Variants in RPTOR observed in about 807,000 individuals in gnomAD.
RPTOR encodes regulatory-associated protein of mTOR.
Under a neutral mutation model 169.9 loss-of-function variants are expected in RPTOR, and 21 were observed. That is an observed-to-expected ratio of 0.12 (90% CI 0.09 to 0.18). The LOEUF (loss-of-function observed/expected upper bound fraction) is 0.18. RPTOR is among the 10% of genes least tolerant of loss of function. The probability of loss-of-function intolerance (pLI) is 1.00; values close to 1 mark genes in which losing one functional copy is unlikely to be tolerated. For missense variants in RPTOR, 1,133 were observed against 1,855.9 expected (o/e 0.61, Z 7.16); for synonymous variants, 732 against 753.2 (o/e 0.97, Z 0.46).
At chr17:80,792,795 A>G (rs546459183) in intron 7 of RPTOR, among the ~76,000 whole-genome samples, 4 of 152,116 alleles carry the variant, frequency 2.6e-5, no homozygotes, top group Admixed American at 2.6e-4. Context: ...GTTTACTGGT[A>G]TTGCTGTGCG....
chr17:80,759,679 G>GT lies in RPTOR; in HGVS notation c.830+5505dup, dbSNP rs563849260. On this transcript the variant is annotated intron_variant, in intron 6 of 33. Coordinates refer to ENST00000306801, the MANE Select transcript of RPTOR (RefSeq NM_020761.3). ...GTGAGCTAAGTTAAAAACCACCAGG[G>GT]TTTTTTTTTTTAATGGAAGAGTGAG... Among the ~76,000 whole-genome samples, 1,051 of 145,526 alleles carry GT rather than the reference G, an allele frequency of 7.2e-3. 7 individuals are homozygous for GT. The highest frequency in any genetic ancestry group is 0.052 in the Middle Eastern group (15 of 286).
intron 7 of RPTOR, among the ~76,000 whole-genome samples, chr17:80,811,140 G>C (rs542894633): frequency 6.6e-6 from 1 of 152,358 alleles, no homozygotes; most frequent in African/African-American, 2.4e-5. Flanking sequence ...ACAGCTGGGT[G>C]TTGAAGCCCT....
intron 4 of RPTOR, among the ~76,000 whole-genome samples, chr17:80,716,232 G>T (rs2066238307): frequency 6.6e-6 from 1 of 152,146 alleles, no homozygotes; most frequent in Non-Finnish European, 1.5e-5. Flanking sequence ...AGCATCTACT[G>T]TTTTTTGATT....
At chr17:80,933,027 C>G (rs2068916435) in intron 24 of RPTOR, among the ~76,000 whole-genome samples, 1 of 152,208 alleles carries the variant, frequency 6.6e-6, no homozygotes, top group Admixed American at 6.5e-5. Flanking sequence ...AACTGTCAAC[C>G]TAGAATTCTG....
intron 23 of RPTOR, among the ~76,000 whole-genome samples, chr17:80,924,800 C>G (rs908236): frequency 0.64 from 98,085 of 152,124 alleles, 31,763 homozygotes; most frequent in South Asian, 0.67. Flanking sequence ...CAGCCTCACT[C>G]CACAAGCACA....
chr17:80,759,109 G>A (rs2066709785), intron 6 of RPTOR, among the ~76,000 whole-genome samples: 3 of 151,952 alleles, frequency 2.0e-5, no homozygotes, highest in Non-Finnish European at 2.9e-5. Context: ...AGTCCCAGCT[G>A]CTTGGAAGGC....
Position 80,883,104 on chromosome 17 carries a change from G to T in RPTOR, c.1585-315G>T, listed in dbSNP as rs376201306. On this transcript the variant is annotated intron_variant, in intron 14 of 33. Coordinates refer to ENST00000306801, the MANE Select transcript of RPTOR (RefSeq NM_020761.3). ...TGGGCAGGCTGGGGAGGTGAGGTCC[G>T]GGTGCTTCATACCGACAGCCACGGC... is the stretch of plus-strand genomic sequence containing the variant. Among the ~76,000 whole-genome samples, 14 of 152,304 alleles carry T rather than the reference G, an allele frequency of 9.2e-5. No individual in the cohort carries two copies. The East Asian group carries it at 2.7e-3, about 29-fold the overall frequency.
intron 3 of RPTOR, among the ~76,000 whole-genome samples, chr17:80,660,306 A>G (rs2065712783): frequency 6.6e-6 from 1 of 151,914 alleles, no homozygotes; most frequent in Non-Finnish European, 1.5e-5. Context: ...AATGAGAAAC[A>G]TGTCTGAGTA....
At chr17:80,710,769 T>A (rs1036588522) in intron 4 of RPTOR, among the ~76,000 whole-genome samples, 1 of 152,238 alleles carries the variant, frequency 6.6e-6, no homozygotes, top group Non-Finnish European at 1.5e-5. Context: ...AGCCATTTTG[T>A]TTCATATATT....
rs369763226 is a variant in RPTOR, at chr17:80,883,771, G to A, written c.1651-10G>A. ...CAGAGGCCAACCTGTCTGTGGTCCCGCCTCTGCAGGAAGCCTGCCTTCAGG... is the reference window on the plus strand; with the variant it reads ...CAGAGGCCAACCTGTCTGTGGTCCCACCTCTGCAGGAAGCCTGCCTTCAGG... On this transcript the variant is annotated splice_polypyrimidine_tract_variant and intron_variant, in intron 15 of 33. Transcript: ENST00000306801. The A allele has an allele frequency of 3.2e-4, 514 of 1,612,852 alleles. No individual in the cohort carries two copies. The highest frequency in any genetic ancestry group is 4.2e-4 in the Non-Finnish European group (501 of 1,180,020).
intron 1 of RPTOR, among the ~76,000 whole-genome samples, chr17:80,548,460 C>T (rs2084306198): frequency 7.4e-6 from 1 of 135,406 alleles, no homozygotes; most frequent in Non-Finnish European, 1.5e-5. Flanking sequence ...TGACTCACTG[C>T]AACCTCCGCC....
At chr17:80,653,230 G>A (rs1025790042) in intron 3 of RPTOR, among the ~76,000 whole-genome samples, 1 of 152,136 alleles carries the variant, frequency 6.6e-6, no homozygotes, top group South Asian at 2.1e-4. Context: ...TCTTAAAAGA[G>A]CCTTTGTCTT....
At chr17:80,853,712 C>T (rs566931487) in intron 11 of RPTOR, among the ~76,000 whole-genome samples, 2 of 152,230 alleles carry the variant, frequency 1.3e-5, no homozygotes, top group Non-Finnish European at 2.9e-5. Context: ...GGCACGGTGG[C>T]TCACGCCTGT....
At chr17:80,819,468 G>A (rs751004372) in intron 7 of RPTOR, among the ~76,000 whole-genome samples, 2 of 152,180 alleles carry the variant, frequency 1.3e-5, no homozygotes, top group African/African-American at 4.8e-5. Context: ...TGGTTGTTGC[G>A]TGGTTTGTTT....
intron 5 of RPTOR, among the ~76,000 whole-genome samples, chr17:80,740,688 A>T (rs2066474428): frequency 6.6e-6 from 1 of 152,246 alleles, no homozygotes; most frequent in African/African-American, 2.4e-5. Flanking sequence ...TTACCAATTG[A>T]TGCAGAAAAC....
intron 17 of RPTOR, among the ~76,000 whole-genome samples, chr17:80,888,448 C>A (rs1463365230): frequency 6.6e-6 from 1 of 152,196 alleles, no homozygotes; most frequent in Non-Finnish European, 1.5e-5. Context: ...TTTTATGATG[C>A]CTGAGCACAG....
At chr17:80,742,019 G>T (rs2066486528) in intron 5 of RPTOR, among the ~76,000 whole-genome samples, 1 of 152,194 alleles carries the variant, frequency 6.6e-6, no homozygotes, top group Admixed American at 6.5e-5. Context: ...ACACGAGGAG[G>T]ACTGAGGATG....
chr17:80,704,320 T>C (rs570988635), intron 3 of RPTOR, among the ~76,000 whole-genome samples: 1 of 152,342 alleles, frequency 6.6e-6, no homozygotes, highest in Admixed American at 6.5e-5. Context: ...CTTGGTGTGT[T>C]GTATGGGATC....
intron 1 of RPTOR, among the ~76,000 whole-genome samples, chr17:80,568,823 C>A (rs962639979): frequency 6.6e-6 from 1 of 152,064 alleles, no homozygotes; most frequent in African/African-American, 2.4e-5. Context: ...ATCTATTCTT[C>A]TATAGTATCT....
Sources: gnomAD v4.1 joint callset for allele counts (sites outside exome capture counted in the v4.1 genomes callset) on GRCh38, gnomAD v4.1.1 for gene constraint, MANE v1.5 for transcripts, NCBI Gene and HGNC (gene_info 2026-07-23, HGNC 2026-07-21) for gene names.